Variants in PRICKLE3 observed in about 807,000 individuals in gnomAD.
The protein encoded by PRICKLE3 is prickle planar cell polarity protein 3.
Under a neutral mutation model 33.8 loss-of-function variants are expected in PRICKLE3, and 17 were observed. The observed-to-expected ratio is 0.50, with a 90% CI of 0.34 to 0.75. The LOEUF is 0.75. Ranked by LOEUF, PRICKLE3 falls within the 30% of genes least tolerant of loss-of-function variation. The probability of loss-of-function intolerance (pLI) is 0.01; values close to 1 mark genes in which losing one functional copy is unlikely to be tolerated. For missense variants in PRICKLE3, 573 were observed against 576.7 expected (o/e 0.99, Z 0.07); for synonymous variants, 211 against 219.6 (o/e 0.96, Z 0.34).
intron 3 of PRICKLE3, among the ~76,000 whole-genome samples, chrX:49,181,910 A>G (rs1178702857): frequency 9.4e-6 from 1 of 106,590 alleles, no homozygotes; most frequent in Non-Finnish European, 1.9e-5. Flanking sequence ...AGGCTTCCCA[A>G]AGTGGTGGGA....
intron 8 of PRICKLE3, 59 bp from the exon 9 acceptor site, chrX:49,176,324 A>G: frequency 2.2e-6 from 2 of 909,251 alleles, no homozygotes; most frequent in East Asian, 3.4e-5. Flanking sequence ...CCCCCTCCTA[A>G]GAGGAGGCCT....
intron 3 of PRICKLE3, among the ~76,000 whole-genome samples, chrX:49,181,519 ACG>A (rs2065450924): frequency 2.3e-5 from 2 of 88,133 alleles, no homozygotes; most frequent in South Asian, 5.2e-4. Context: ...GTGTATATAT[ACG>A]TATATATGTG....
chrX:49,176,391 A>G, intron 8 of PRICKLE3, 126 bp from the exon 9 acceptor site: 1 of 497,373 alleles, frequency 2.0e-6, no homozygotes, highest in Non-Finnish European at 3.2e-6. Flanking sequence ...GGGGTCGGAG[A>G]ATGGCAGGGA....
intron 2 of PRICKLE3, among the ~76,000 whole-genome samples, chrX:49,184,415 G>A (rs1015916112): frequency 2.7e-5 from 3 of 111,978 alleles, no homozygotes; most frequent in Admixed American, 9.4e-5. Flanking sequence ...TTCTGGGGGC[G>A]GGGCTGCGTA....
At chrX:49,181,492 C>T in intron 3 of PRICKLE3, among the ~76,000 whole-genome samples, 1 of 84,015 alleles carries the variant, frequency 1.2e-5, no homozygotes, top group East Asian at 3.6e-4. Flanking sequence ...TAGATGTATA[C>T]ATATGTGTAT....
intron 3 of PRICKLE3, among the ~76,000 whole-genome samples, chrX:49,182,483 G>A (rs1196077682): frequency 1.8e-5 from 2 of 112,379 alleles, no homozygotes; most frequent in Admixed American, 9.4e-5. Flanking sequence ...CTCACTCTGC[G>A]CCAGCAGCAC....
Position 49,176,942 on chromosome X carries a change from C to T in PRICKLE3, c.1216G>A (p.Glu406Lys), listed in dbSNP as rs1569526182. ...ASFSAVKGASETTTKGTSTEL... is the reference protein window; with the variant it reads ...ASFSAVKGASKTTTKGTSTEL... Reference sequence around the variant, plus strand: ...GTGCTGGTGCCTTTGGTGGTGGTCTCTGATGCCCCCTTCACAGCAGAGAAA... The same window carrying T: ...GTGCTGGTGCCTTTGGTGGTGGTCTTTGATGCCCCCTTCACAGCAGAGAAA... The change falls in exon 8 of 9, where the codon GAG becomes AAG. Residue 406 changes from glutamate (E) to lysine (K), a missense_variant. Coordinates refer to ENST00000599218, the MANE Select transcript of PRICKLE3 (RefSeq NM_006150.5). 1 of 1,206,225 alleles carries T rather than the reference C, an allele frequency of 8.3e-7. No individual in the cohort carries two copies. The highest frequency in any genetic ancestry group is 3.0e-5 in the East Asian group (1 of 33,752).
chrX:49,181,562 C>CATGTATATGT (rs2065452664), intron 3 of PRICKLE3, among the ~76,000 whole-genome samples: 2 of 1,491 alleles, frequency 1.3e-3, no homozygotes, highest in Non-Finnish European at 3.6e-3. Context: ...TATATATATA[C>CATGTATATGT]ACGTATATAT....
Position 49,176,147 on chromosome X carries a change from G to A in PRICKLE3, c.1374C>T (p.Asn458=), listed in dbSNP as rs1455666350. 8.3e-7 allele frequency: 1 copy of A among 1,201,071 alleles called. No homozygotes were observed. Among genetic ancestry groups the A allele is most frequent in the Non-Finnish European group, 1.1e-6 (1 of 890,153 alleles). The part of the protein sequence containing the change: ...EPPPESPGQP[N]LRPDDSAFGR... Reference sequence around the variant, plus strand: ...CGAAGGCACTATCATCTGGGCGCAGGTTAGGCTGGCCGGGGGACTCTGGGG... The same window carrying A: ...CGAAGGCACTATCATCTGGGCGCAGATTAGGCTGGCCGGGGGACTCTGGGG... The change falls in exon 9 of 9, where the codon AAC becomes AAT. Residue 458 remains asparagine, a synonymous_variant. Transcript: ENST00000599218.
In PRICKLE3 at chrX:49,179,460, T is replaced by C. The variant is rs1031103621; in HGVS notation, c.427-72A>G. The C allele has an allele frequency of 6.0e-5, 70 of 1,167,058 alleles. No homozygotes were observed. In the Middle Eastern group the frequency reaches 7.0e-4, roughly 12 times the overall value. On this transcript the variant is annotated intron_variant, in intron 4 of 8. Coordinates refer to ENST00000599218, the MANE Select transcript of PRICKLE3 (RefSeq NM_006150.5). ...CTGCCCCTCTTCCAGACTTCATCCA[T>C]GCCCCGAAAGTTTACTTCTAGGTCT...
At chrX:49,180,193 C>A (rs1266733247) in intron 3 of PRICKLE3, among the ~76,000 whole-genome samples, 1 of 109,024 alleles carries the variant, frequency 9.2e-6, no homozygotes, top group Non-Finnish European at 1.9e-5. Flanking sequence ...CCACTATGCC[C>A]AGCTAATTTT....
chrX:49,181,540 T>TAC (rs1313112078), intron 3 of PRICKLE3, among the ~76,000 whole-genome samples: 1 of 93,795 alleles, frequency 1.1e-5, no homozygotes, highest in Non-Finnish European at 2.1e-5. Flanking sequence ...TGTATATATA[T>TAC]ACGTATATGT....
chrX:49,179,519 A>T, intron 4 of PRICKLE3, 131 bp from the exon 5 acceptor site: 1 of 1,003,805 alleles, frequency 1.0e-6, no homozygotes, highest in Admixed American at 2.6e-5. Flanking sequence ...TGAAGTAACC[A>T]CCTCTTCTTC....
In PRICKLE3 at chrX:49,183,905, C is replaced by T; in HGVS notation, c.141G>A (p.Gln47=). 3.3e-6 allele frequency: 4 copies of T among 1,205,880 alleles called. No homozygotes were observed. Among genetic ancestry groups the T allele is most frequent in the Non-Finnish European group, 4.5e-6 (4 of 890,946 alleles). The change falls in exon 3 of 9, where the codon CAG becomes CAA. Residue 47 remains glutamine (Q), a synonymous_variant. Transcript: ENST00000599218. ...GCTCCTCCCGCGGGCATTTGCAATG[C>T]TGGCAGATCTTTCTGAGGGGGCCGG... ...FLLHGWRKIC[Q]HCKCPREEHA...
Position 49,176,980 on chromosome X carries a change from G to C in PRICKLE3, c.1178C>G (p.Ala393Gly). ...CACAGCAGAGAAAGAGGCTGTGGAGGCTGCAAGTGGGGCTGTGACAGGGCC... is the reference window on the plus strand; with the variant it reads ...CACAGCAGAGAAAGAGGCTGTGGAGCCTGCAAGTGGGGCTGTGACAGGGCC... The part of the protein sequence containing the change: ...SAGPVTAPLA[A>G]STASFSAVKG... Residue 393 changes from alanine (A) to glycine (G), a missense_variant, in exon 8 of 9, where the codon GCC becomes GGC. Physicochemically the swap from Ala to Gly is moderately conservative, Grantham distance 60. Coordinates refer to ENST00000599218, the MANE Select transcript of PRICKLE3 (RefSeq NM_006150.5). The C allele has an allele frequency of 8.3e-7, 1 of 1,211,236 alleles. No individual in the cohort carries two copies. The highest frequency in any genetic ancestry group is 1.1e-6 in the Non-Finnish European group (1 of 895,114).
At position 49,175,298 on chromosome X, in the gene PRICKLE3, T is replaced by C. The variant is rs997992325; in HGVS notation, c.*375A>G. ...AGTCCTTTGGGAGGCTGCGGGAGGA[T>C]TGCTTGAGCCCAGGAGTTCTAGACC... On this transcript the variant is annotated 3_prime_UTR_variant, in exon 9 of 9. Coordinates refer to ENST00000599218, the MANE Select transcript of PRICKLE3 (RefSeq NM_006150.5). 13 of 175,181 alleles carry C rather than the reference T, an allele frequency of 7.4e-5. No homozygotes were observed. The highest frequency in any genetic ancestry group is 4.0e-4 in the African/African-American group (13 of 32,522). 14.4% of individuals were successfully genotyped at this position (175,181 alleles called of 1,213,427 possible).
In PRICKLE3 at chrX:49,186,362, C is replaced by T; in HGVS notation, c.-65G>A. 9.8e-7 allele frequency: 1 copy of T among 1,021,511 alleles called. No homozygotes were observed. The highest frequency in any genetic ancestry group is 1.3e-6 in the Non-Finnish European group (1 of 779,316). 84.2% of individuals were successfully genotyped at this position (1,021,511 alleles called of 1,213,427 possible). A position where few individuals can be genotyped will look rare whatever the true frequency, so the allele number is the denominator to read the frequency against. On this transcript the variant is annotated 5_prime_UTR_variant, in exon 1 of 9. Transcript: ENST00000599218. ...AATGTAATCCTTGCGACCGTCAGGC[C>T]ACCGCGCGTCCGGCCTGGGAACTCG... is the stretch of plus-strand genomic sequence containing the variant.
intron 1 of PRICKLE3, 91 bp from the exon 2 acceptor site, chrX:49,184,801 G>T: frequency 1.7e-6 from 2 of 1,164,549 alleles, no homozygotes; most frequent in South Asian, 3.8e-5. Flanking sequence ...CATTGCCCGC[G>T]ACCGCACGCT....
At chrX:49,178,539 G>T (rs1218460789) in intron 5 of PRICKLE3, 64 bp from the exon 6 acceptor site, 23 of 1,056,328 alleles carry the variant, frequency 2.2e-5, no homozygotes, top group Non-Finnish European at 3.0e-5. Context: ...GATGGATGGG[G>T]TCAGCCAAAG....
Sources: gnomAD v4.1 joint callset for allele counts (sites outside exome capture counted in the v4.1 genomes callset) on GRCh38, gnomAD v4.1.1 for gene constraint, MANE v1.5 for transcripts, NCBI Gene and HGNC (gene_info 2026-07-23, HGNC 2026-07-21) for gene names.